The following COL4A3 variants were observed in gnomAD, a reference collection of about 807,000 sequenced individuals.
The protein encoded by COL4A3 is collagen alpha-3(IV) chain.
COL4A3 carries 135 observed loss-of-function variants against 217.4 expected under a neutral mutation model. The observed-to-expected ratio is 0.62, with a 90% CI of 0.54 to 0.72. The LOEUF (loss-of-function observed/expected upper bound fraction) is 0.72, where lower values mean the gene tolerates loss of function less well. Ranked by LOEUF, COL4A3 falls within the 30% of genes least tolerant of loss-of-function variation. COL4A3 has a pLI of 0.00. For missense variants in COL4A3, 1,868 were observed against 2,119.9 expected (o/e 0.88, Z 2.33); for synonymous variants, 690 against 736.3 (o/e 0.94, Z 1.02).
At chr2:227,267,439 T>C (rs910293739) in intron 23 of COL4A3, among the ~76,000 whole-genome samples, 13 of 152,210 alleles carry the variant, frequency 8.5e-5, no homozygotes, top group African/African-American at 2.9e-4. Flanking sequence ...TCCCTTTTTT[T>C]CTCAAAAGAC....
At chr2:227,175,345 C>T (rs1384625874) in intron 1 of COL4A3, among the ~76,000 whole-genome samples, 3 of 152,082 alleles carry the variant, frequency 2.0e-5, no homozygotes, top group African/African-American at 4.8e-5. Context: ...GCAGCAGGCA[C>T]CTGTAACCCT....
intron 23 of COL4A3, among the ~76,000 whole-genome samples, chr2:227,269,093 G>A (rs4643535): frequency 0.68 from 104,144 of 152,060 alleles, 35,978 homozygotes; most frequent in African/African-American, 0.79. Flanking sequence ...TAACTGACCA[G>A]AGACCCACCC....
chr2:227,208,033 C>T (rs778770833), intron 1 of COL4A3, among the ~76,000 whole-genome samples: 11 of 148,654 alleles, frequency 7.4e-5, no homozygotes, highest in Admixed American at 3.4e-4. Context: ...CCCACACACA[C>T]GAAACCACCT....
chr2:227,280,404 G>C, intron 29 of COL4A3, 36 bp from the exon 30 acceptor site: 1 of 1,611,730 alleles, frequency 6.2e-7, no homozygotes, highest in Non-Finnish European at 8.5e-7. Context: ...AGATTTGGAA[G>C]CACTATATAG....
chr2:227,189,944 C>A (rs905045616), intron 1 of COL4A3, among the ~76,000 whole-genome samples: 1 of 152,130 alleles, frequency 6.6e-6, no homozygotes, highest in Non-Finnish European at 1.5e-5. Context: ...TTCTTCCCCC[C>A]AAATCAGGAA....
intron 1 of COL4A3, among the ~76,000 whole-genome samples, chr2:227,195,667 A>ATATGTGTGTGTGTGTG (rs1226857286): frequency 4.9e-4 from 69 of 139,978 alleles, no homozygotes; most frequent in African/African-American, 1.7e-3. Context: ...ATATATATAT[A>ATATGTGTGTGTGTGTG]TGTGTGTGTG....
chr2:227,241,291 T>G (rs2069005128), intron 3 of COL4A3, among the ~76,000 whole-genome samples: 2 of 152,176 alleles, frequency 1.3e-5, no homozygotes, highest in Admixed American at 1.3e-4. Context: ...ACTACTGACC[T>G]CCAGCAAGCT....
At chr2:227,291,389 C>T (rs1027959462) in intron 37 of COL4A3, among the ~76,000 whole-genome samples, 1 of 151,354 alleles carries the variant, frequency 6.6e-6, no homozygotes, top group Admixed American at 6.6e-5. Context: ...TGGTGAAACC[C>T]CGTTTCTACT....
chr2:227,272,679 T>G lies in COL4A3; in HGVS notation c.1759-270T>G, dbSNP rs113298134. 3.4e-3 allele frequency among the ~76,000 whole-genome samples: 518 copies of G among 152,346 alleles called. 1 individual carries two copies. Among genetic ancestry groups the G allele is most frequent in the African/African-American group, 0.012 (497 of 41,574 alleles). The stretch of plus-strand genomic sequence containing the variant: ...AATTTGAACATAGTTTTAGTGGCTA[T>G]TACCATATGGGAGACCCATCATTGT... On this transcript the variant is annotated intron_variant, in intron 25 of 51. Coordinates refer to ENST00000396578, the MANE Select transcript of COL4A3 (RefSeq NM_000091.5).
intron 5 of COL4A3, chr2:227,245,616 T>C (rs1034762023): frequency 7.8e-6 from 3 of 384,800 alleles, no homozygotes; most frequent in African/African-American, 6.2e-5. Flanking sequence ...TAGCACAGAA[T>C]AATAAAATAG....
At chr2:227,288,877 C>T (rs915592794) in intron 34 of COL4A3, among the ~76,000 whole-genome samples, 1 of 151,532 alleles carries the variant, frequency 6.6e-6, no homozygotes, top group East Asian at 1.9e-4. Context: ...AATATGCCAT[C>T]GGTTTAAACC....
In COL4A3 at chr2:227,250,889, AAATTTTG is replaced by A. The variant is rs1356014201; in HGVS notation, c.547-248_547-242del. 6.6e-6 allele frequency among the ~76,000 whole-genome samples: 1 copy of A among 152,170 alleles called. No individual in the cohort carries two copies. Among genetic ancestry groups the A allele is most frequent in the Non-Finnish European group, 1.5e-5 (1 of 68,044 alleles). ...AGAGGTGGGAAGAAAGAGAAAAGCA[AAATTTTG>A]AAACGTCTGAAGTAAAGCAACTACT... On this transcript the variant is annotated intron_variant, in intron 9 of 51. Coordinates refer to ENST00000396578, the MANE Select transcript of COL4A3 (RefSeq NM_000091.5). The surrounding 1 kb of genome is among the most constrained non-coding windows in gnomAD (Gnocchi z 4.1).
At chr2:227,275,942 GAA>G (rs55999568) in intron 26 of COL4A3, among the ~76,000 whole-genome samples, 44 of 149,658 alleles carry the variant, frequency 2.9e-4, no homozygotes, top group East Asian at 2.0e-3. Context: ...TTCCCTTTTA[GAA>G]AAAAAAAAAA....
At chr2:227,218,215 G>C (rs1048433270) in intron 1 of COL4A3, among the ~76,000 whole-genome samples, 1 of 151,498 alleles carries the variant, frequency 6.6e-6, no homozygotes, top group Non-Finnish European at 1.5e-5. Flanking sequence ...GCCTGTAATC[G>C]CAGCACTTTG....
At chr2:227,290,508 C>A (rs1165073752) in intron 36 of COL4A3, among the ~76,000 whole-genome samples, 1 of 151,804 alleles carries the variant, frequency 6.6e-6, no homozygotes, top group Non-Finnish European at 1.5e-5. Context: ...TCAAAAAAAA[C>A]CAACAACAAC....
chr2:227,268,576 T>C (rs908996781), intron 23 of COL4A3: 4 of 152,264 alleles, frequency 2.6e-5, no homozygotes, highest in Admixed American at 2.6e-4. Flanking sequence ...GGTCAGCCAC[T>C]GGATGACATG....
In COL4A3 at chr2:227,303,058, T is replaced by A. The variant is rs377082797; in HGVS notation, c.3903T>A (p.Gly1301=). ...TATAGGGAGCACCAGGTACTCCAGGTCTTCCAGGACCCAGAGGTGATCCTG... is the reference window on the plus strand; with the variant it reads ...TATAGGGAGCACCAGGTACTCCAGGACTTCCAGGACCCAGAGGTGATCCTG... The part of the protein sequence containing the change: ...PGRLGAPGTP[G]LPGPRGDPGF... Residue 1301 remains glycine, a synonymous_variant, in exon 44 of 52, where the codon GGT becomes GGA. Transcript: ENST00000396578. The A allele has an allele frequency of 6.2e-7, 1 of 1,613,808 alleles. No homozygotes were observed. Among genetic ancestry groups the A allele is most frequent in the African/African-American group, 1.3e-5 (1 of 74,924 alleles).
At position 227,253,283 on chromosome 2, in the gene COL4A3, T is replaced by G. The variant is rs1427852662; in HGVS notation, c.646-13T>G. ...ATTTTTAGAAAATAATTTGGTTTTG[T>G]GTTTTCTTACAGGGTCACATGGGTG... On this transcript the variant is annotated splice_polypyrimidine_tract_variant and intron_variant, in intron 11 of 51. Coordinates refer to ENST00000396578, the MANE Select transcript of COL4A3 (RefSeq NM_000091.5). The surrounding 1 kb of genome is among the most constrained non-coding windows in gnomAD (Gnocchi z 4.4). 1 of 1,612,648 alleles carries G rather than the reference T, an allele frequency of 6.2e-7. No homozygotes were observed. The highest frequency in any genetic ancestry group is 1.3e-5 in the African/African-American group (1 of 74,900).
chr2:227,224,572 G>A (rs2067985000), intron 1 of COL4A3, among the ~76,000 whole-genome samples: 1 of 152,176 alleles, frequency 6.6e-6, no homozygotes, highest in South Asian at 2.1e-4. Flanking sequence ...CCAACATGGT[G>A]AAACCCTGTC....
Sources: allele counts gnomAD v4.1 joint callset (sites outside exome capture counted in the v4.1 genomes callset), GRCh38; gene constraint gnomAD v4.1.1; non-coding constraint Gnocchi (gnomAD v3.1); transcripts MANE v1.5; gene names NCBI Gene and HGNC (gene_info 2026-07-23, HGNC 2026-07-21).